The following CDC45 variants were observed in gnomAD, a reference collection of about 807,000 sequenced individuals.
The protein encoded by CDC45 is cell division control protein 45 homolog.
A neutral mutation model predicts 77.8 loss-of-function variants in CDC45; 54 were observed. That is an observed-to-expected ratio of 0.69 (90% CI 0.56 to 0.87). The LOEUF is 0.87. CDC45 is among the 40% of genes least tolerant of loss of function. The pLI is 0.00. For missense variants in CDC45, 649 were observed against 721.6 expected, an observed-to-expected ratio of 0.90 and a Z score of 1.15; for synonymous variants, 260 against 272.1, an observed-to-expected ratio of 0.96 and a Z score of 0.44.
At chr22:19,516,076 G>A (rs576418761) in intron 15 of CDC45, among the ~76,000 whole-genome samples, 168 of 152,232 alleles carry the variant, frequency 1.1e-3, no homozygotes, top group Middle Eastern at 3.4e-3. Flanking sequence ...ACGAGGAGTG[G>A]CAGCTGCGGT....
intron 11 of CDC45, 123 bp from the exon 12 acceptor site, chr22:19,507,643 G>C (rs998972345): frequency 1.0e-5 from 14 of 1,398,218 alleles, no homozygotes; most frequent in South Asian, 6.3e-5. Flanking sequence ...CCTTGCCCTA[G>C]ATCCCAGAAT....
chr22:19,501,678 A>G lies in CDC45; in HGVS notation c.704+2527A>G, dbSNP rs2146392419. Among the ~76,000 whole-genome samples, 5 of 152,310 alleles carry G rather than the reference A, an allele frequency of 3.3e-5. 1 individual carries two copies. The South Asian group carries it at 1.0e-3, about 32-fold the overall frequency. Reference sequence around the variant, plus strand: ...GCCTAGATTACTTATGAAAACTGAGAGACAAAACTAGTCATCATTTCAAAT... The same window carrying G: ...GCCTAGATTACTTATGAAAACTGAGGGACAAAACTAGTCATCATTTCAAAT... On this transcript the variant is annotated intron_variant, in intron 9 of 18. Coordinates refer to ENST00000263201, the MANE Select transcript of CDC45 (RefSeq NM_003504.5).
At position 19,507,890 on chromosome 22, in the gene CDC45, T is replaced by G. The variant is rs761345325; in HGVS notation, c.1055+26T>G. The G allele has an allele frequency of 1.0e-5, 15 of 1,435,508 alleles. No homozygotes were observed. In the South Asian group the frequency reaches 1.2e-4, roughly 11 times the overall value. 88.9% of individuals were successfully genotyped at this position (1,435,508 alleles called of 1,614,324 possible). On this transcript the variant is annotated intron_variant, in intron 12 of 18. Transcript: ENST00000263201. ...GTAAACACACATTTTTCTGGATTTA[T>G]CTTCATTACATCCAGGTTCATTAAA... is the stretch of plus-strand genomic sequence containing the variant.
At chr22:19,493,687 G>T (rs1028085708) in intron 5 of CDC45, among the ~76,000 whole-genome samples, 1 of 151,830 alleles carries the variant, frequency 6.6e-6, no homozygotes, top group African/African-American at 2.4e-5. Flanking sequence ...CATGTGATCC[G>T]CCCGCCTGTC....
chr22:19,516,163 A>T (rs1382162704), intron 15 of CDC45, among the ~76,000 whole-genome samples: 2 of 152,120 alleles, frequency 1.3e-5, no homozygotes, highest in African/African-American at 4.8e-5. Context: ...AGAAGGTGGC[A>T]GCTGCTGCAG....
At chr22:19,493,473 C>A (rs2090188396) in intron 5 of CDC45, among the ~76,000 whole-genome samples, 1 of 151,240 alleles carries the variant, frequency 6.6e-6, no homozygotes, top group African/African-American at 2.4e-5. Context: ...GAGGCAGAGT[C>A]TTGCTCTGTT....
At chr22:19,486,929 G>T (rs1437353680) in intron 5 of CDC45, among the ~76,000 whole-genome samples, 2 of 152,000 alleles carry the variant, frequency 1.3e-5, no homozygotes, top group African/African-American at 4.8e-5. Context: ...TCCCACCTTG[G>T]CCTCCCAAAG....
In CDC45 at chr22:19,507,873, A is replaced by G. The variant is rs1376766859; in HGVS notation, c.1055+9A>G. On this transcript the variant is annotated intron_variant, in intron 12 of 18. Transcript: ENST00000263201. Reference sequence around the variant, plus strand: ...TCTGCAAATAAATTTGGGTAAACACACATTTTTCTGGATTTATCTTCATTA... The same window carrying G: ...TCTGCAAATAAATTTGGGTAAACACGCATTTTTCTGGATTTATCTTCATTA... The G allele has an allele frequency of 6.4e-6, 10 of 1,564,532 alleles. No homozygotes were observed. In the African/African-American group the frequency reaches 1.4e-4, roughly 21 times the overall value.
intron 1 of CDC45, 31 bp downstream of exon 1, chr22:19,480,050 C>G: frequency 6.2e-7 from 1 of 1,613,466 alleles, no homozygotes. Context: ...CCCGCCGAGG[C>G]CTTGCCGGTG....
At chr22:19,491,272 T>A (rs915112682) in intron 5 of CDC45, among the ~76,000 whole-genome samples, 1 of 152,216 alleles carries the variant, frequency 6.6e-6, no homozygotes, top group Non-Finnish European at 1.5e-5. Flanking sequence ...AAGCCTATTG[T>A]ATTTACCTCA....
At chr22:19,496,337 G>A (rs1163911339) in intron 7 of CDC45, among the ~76,000 whole-genome samples, 1 of 152,224 alleles carries the variant, frequency 6.6e-6, no homozygotes, top group Non-Finnish European at 1.5e-5. Context: ...GTTTGTACCA[G>A]TCTCTGTGCG....
intron 11 of CDC45, 49 bp from the exon 12 acceptor site, chr22:19,507,717 G>T: frequency 6.9e-7 from 1 of 1,456,198 alleles, no homozygotes; most frequent in Non-Finnish European, 9.5e-7. Flanking sequence ...TTTCCACCCT[G>T]TCGGTGTGTG....
At chr22:19,505,338 G>A in intron 9 of CDC45, 24 bp from the exon 10 acceptor site, 6 of 1,614,078 alleles carry the variant, frequency 3.7e-6, no homozygotes, top group Non-Finnish European at 5.1e-6. Context: ...AACCAGCCGA[G>A]GCTTGTGCTA....
rs184732142 is a variant in CDC45, at chr22:19,483,418, C to T, written c.343-444C>T. ...CTGCACTCCAGCTTGGGCGACAGAG[C>T]GAGACTCCGTCTCCAAAAAAAAAAG... On this transcript the variant is annotated intron_variant, in intron 4 of 18. Transcript: ENST00000263201. Among the ~76,000 whole-genome samples, 407 of 151,966 alleles carry T rather than the reference C, an allele frequency of 2.7e-3. 12 individuals carry two copies. Among genetic ancestry groups the T allele is most frequent in the Admixed American group, 0.025 (388 of 15,262 alleles).
At chr22:19,494,626 A>G (rs1408332803) in intron 6 of CDC45, 9 of 1,433,984 alleles carry the variant, frequency 6.3e-6, no homozygotes, top group Non-Finnish European at 7.6e-6. Context: ...ATTAGAGACC[A>G]TGGCCCTGGC....
chr22:19,508,790 T>G, intron 13 of CDC45, 99 bp downstream of exon 13: 1 of 1,174,482 alleles, frequency 8.5e-7, no homozygotes, highest in Non-Finnish European at 1.2e-6. Flanking sequence ...TGGGAGTGAC[T>G]GTGTCCTGCA....
At position 19,507,403 on chromosome 22, in the gene CDC45, A is replaced by G; in HGVS notation, c.842A>G (p.Tyr281Cys). 1 of 1,614,032 alleles carries G rather than the reference A, an allele frequency of 6.2e-7. No homozygotes were observed. Among genetic ancestry groups the G allele is most frequent in the East Asian group, 2.2e-5 (1 of 44,882 alleles). The change falls in exon 11 of 19, where the codon TAC becomes TGC. Residue 281 changes from tyrosine (Y) to cysteine (C), a missense_variant. Coordinates refer to ENST00000263201, the MANE Select transcript of CDC45 (RefSeq NM_003504.5). ...AGGCCCAGCCTCCGCCTGGTGCTCT[A>G]CCAGCACTGGTCCCTCCATGACAGC... is the stretch of plus-strand genomic sequence containing the variant. ...SFEYDLRLVL[Y>C]QHWSLHDSLC...
chr22:19,500,943 G>A (rs1332399496), intron 9 of CDC45, among the ~76,000 whole-genome samples: 1 of 152,158 alleles, frequency 6.6e-6, no homozygotes, highest in Non-Finnish European at 1.5e-5. Flanking sequence ...TTGGGAGGCA[G>A]AGGTGAGTGG....
At chr22:19,507,967 C>T (rs1460375848) in intron 12 of CDC45, 103 bp downstream of exon 12, 4 of 738,178 alleles carry the variant, frequency 5.4e-6, no homozygotes, top group African/African-American at 3.5e-5. Flanking sequence ...AAAAAACCAA[C>T]GTGCTCCTAA....
Sources: gnomAD v4.1 joint callset for allele counts (sites outside exome capture counted in the v4.1 genomes callset) on GRCh38, gnomAD v4.1.1 for gene constraint, MANE v1.5 for transcripts, NCBI Gene and HGNC (gene_info 2026-07-23, HGNC 2026-07-21) for gene names.